The following ITSN1 variants were observed in gnomAD, a reference collection of about 807,000 sequenced individuals.
The protein encoded by ITSN1 is intersectin 1, also known as intersectin-1.
A neutral mutation model predicts 239.8 loss-of-function variants in ITSN1; 58 were observed. The ratio of observed to expected loss-of-function variants is 0.24; its 90% CI spans 0.20 to 0.30. The LOEUF (loss-of-function observed/expected upper bound fraction) is 0.30. Among genes scored for constraint, ITSN1 ranks in the 10% least tolerant of loss-of-function variants. The pLI is 1.00. For synonymous variants in ITSN1, 780 were observed against 770.8 expected (o/e 1.01, Z -0.20); for missense variants, 1,558 against 2,103.3 (o/e 0.74, Z 5.07).
intron 29 of ITSN1, among the ~76,000 whole-genome samples, chr21:33,839,922 C>T (rs529424260): frequency 9.7e-4 from 147 of 152,258 alleles, no homozygotes; most frequent in Non-Finnish European, 1.5e-3. Flanking sequence ...ACAGGACAGT[C>T]CCCCGCAACA....
chr21:33,786,748 T>C (rs1389117753), intron 16 of ITSN1, among the ~76,000 whole-genome samples: 1 of 152,186 alleles, frequency 6.6e-6, no homozygotes, highest in Non-Finnish European at 1.5e-5. Context: ...GTTGAGTCCT[T>C]GTTGGTTCCT....
chr21:33,760,130 G>T (rs1436198061), intron 8 of ITSN1, among the ~76,000 whole-genome samples: 1 of 151,030 alleles, frequency 6.6e-6, no homozygotes, highest in Admixed American at 6.6e-5. Flanking sequence ...GAAAAGAAAA[G>T]AAAACAGTAG....
chr21:33,812,283 G>C (rs1225136810), intron 21 of ITSN1, among the ~76,000 whole-genome samples: 1 of 152,088 alleles, frequency 6.6e-6, no homozygotes, highest in Non-Finnish European at 1.5e-5. Flanking sequence ...TATTTTCCAG[G>C]ATTTGTTTTG....
chr21:33,736,729 T>C (rs1346959390), intron 5 of ITSN1, among the ~76,000 whole-genome samples: 1 of 152,258 alleles, frequency 6.6e-6, no homozygotes, highest in Non-Finnish European at 1.5e-5. Context: ...CTCATGCCTG[T>C]AATCCTAATG....
chr21:33,860,590 G>A (rs1031773640), intron 31 of ITSN1, among the ~76,000 whole-genome samples: 1 of 152,250 alleles, frequency 6.6e-6, no homozygotes, highest in South Asian at 2.1e-4. Flanking sequence ...TCTTCCTCCT[G>A]TCGGCTCTGA....
chr21:33,824,569 G>A (rs538094158), intron 25 of ITSN1, among the ~76,000 whole-genome samples: 134 of 152,254 alleles, frequency 8.8e-4, no homozygotes, highest in African/African-American at 3.2e-3. Flanking sequence ...GTGAGCAAGT[G>A]GACAAAGTTC....
chr21:33,716,555 G>A (rs1379384200), intron 1 of ITSN1: 1 of 152,088 alleles, frequency 6.6e-6, no homozygotes, highest in African/African-American at 2.4e-5. Flanking sequence ...CCAATGAAAA[G>A]GTAACTCAAT....
chr21:33,729,027 G>A (rs1022524876), intron 4 of ITSN1, among the ~76,000 whole-genome samples: 1 of 152,220 alleles, frequency 6.6e-6, no homozygotes, highest in African/African-American at 2.4e-5. Flanking sequence ...GATGAACTGG[G>A]CTCCTAAAGG....
At chr21:33,649,509 T>C (rs914927447) in intron 1 of ITSN1, among the ~76,000 whole-genome samples, 1 of 152,128 alleles carries the variant, frequency 6.6e-6, no homozygotes, top group Admixed American at 6.5e-5. Context: ...AGAGAGAACA[T>C]TGGTGAAATT....
intron 15 of ITSN1, 102 bp downstream of exon 15, chr21:33,781,650 G>C (rs1377259828): frequency 2.9e-6 from 2 of 682,306 alleles, no homozygotes; most frequent in African/African-American, 1.9e-5. Flanking sequence ...GCGCAATCTC[G>C]GCCAACTGTA....
rs1284828190 is a variant in ITSN1 at position 33,811,238 on chromosome 21, CTCTT to C, written c.2567+20_2567+23del. ...TCAGCTCCACGTACGTGTTGGTGGG[CTCTT>C]TCTGATGATTTTTGAAATCCCAATT... On this transcript the variant is annotated intron_variant, in intron 21 of 39. Transcript: ENST00000381318. 1 of 1,545,470 alleles carries C rather than the reference CTCTT, an allele frequency of 6.5e-7. No homozygotes were observed. The highest frequency in any genetic ancestry group is 2.3e-5 in the East Asian group (1 of 44,100).
rs767532845 is a variant in ITSN1 at position 33,836,501 on chromosome 21, A to C, written c.3530A>C (p.Asn1177Thr). The change falls in exon 29 of 40, where the codon AAC (asparagine) becomes ACC (threonine). Residue 1177 changes from asparagine to threonine, a missense_variant. Asn to Thr is a moderately conservative substitution (Grantham distance 65). Around this residue, in one of 2 missense-constraint regions of ITSN1, gnomAD observed 576 missense variants for 893.3 expected, o/e 0.64. Coordinates refer to ENST00000381318, the MANE Select transcript of ITSN1 (RefSeq NM_003024.3). ...TAQNDDELAF[N>T]KGQIINVLNK... ...CAGAATGACGATGAGCTGGCCTTCAACAAGGGCCAGATCATCAACGTCCTC... is the reference window on the plus strand; with the variant it reads ...CAGAATGACGATGAGCTGGCCTTCACCAAGGGCCAGATCATCAACGTCCTC... The C allele has an allele frequency of 2.5e-6, 4 of 1,614,098 alleles. No homozygotes were observed. The South Asian group carries it at 4.4e-5, about 18-fold the overall frequency.
intron 1 of ITSN1, among the ~76,000 whole-genome samples, chr21:33,678,650 T>C (rs2090743165): frequency 6.6e-6 from 1 of 152,226 alleles, no homozygotes; most frequent in African/African-American, 2.4e-5. Context: ...AAGATGATTT[T>C]CTTGGAAGAT....
chr21:33,889,293 A>G lies in ITSN1; in HGVS notation c.*993A>G, dbSNP rs552374589. 3 of 152,328 alleles carry G rather than the reference A, an allele frequency of 2.0e-5. No individual in the cohort carries two copies. The South Asian group carries it at 6.2e-4, about 32-fold the overall frequency. The allele number at this position is 152,328 out of a possible 1,614,324, so 9.4% of individuals were successfully genotyped here. On this transcript the variant is annotated 3_prime_UTR_variant, in exon 40 of 40. Coordinates refer to ENST00000381318, the MANE Select transcript of ITSN1 (RefSeq NM_003024.3). ...CGTTCCCCAAAAAGCCATGTCCTAG[A>G]TCCCCAAGGCGTGAAAAGGAAAAAT...
chr21:33,857,952 C>T (rs893641653), intron 30 of ITSN1, among the ~76,000 whole-genome samples: 2 of 152,148 alleles, frequency 1.3e-5, no homozygotes, highest in African/African-American at 2.4e-5. Flanking sequence ...TGTCCCCTTC[C>T]CTAAAGAGCC....
chr21:33,784,368 T>TGCCTGACTACA (rs2070469596), intron 16 of ITSN1, among the ~76,000 whole-genome samples: 1 of 135,020 alleles, frequency 7.4e-6, no homozygotes, highest in Non-Finnish European at 1.6e-5. Context: ...TCAGGTATGG[T>TGCCTGACTACA]GGCATGTGCC....
At chr21:33,746,234 A>G (rs944781780) in intron 5 of ITSN1, among the ~76,000 whole-genome samples, 3 of 152,206 alleles carry the variant, frequency 2.0e-5, no homozygotes, top group African/African-American at 7.2e-5. Flanking sequence ...CTTCAGGGGG[A>G]AAATCAGAGC....
At chr21:33,883,519 C>T (rs537702651) in intron 35 of ITSN1, 31 bp from the exon 36 acceptor site, 13 of 1,610,118 alleles carry the variant, frequency 8.1e-6, no homozygotes, top group South Asian at 5.5e-5. Context: ...CCCCCAGCCT[C>T]GCTTTGTAAT....
rs1443258322 is a variant in ITSN1 at position 33,658,196 on chromosome 21, TG to T, written c.-33+15485del. Among the ~76,000 whole-genome samples the T allele has an allele frequency of 3.9e-5, 6 of 152,296 alleles. No homozygotes were observed. The East Asian group carries it at 9.7e-4, about 25-fold the overall frequency. On this transcript the variant is annotated intron_variant, in intron 1 of 39. Transcript: ENST00000381318. ...TAAAATATATTTACTATTCATTAAG[TG>T]GAAGTGGGTCATCATAACATTCTTC...
Sources: gnomAD v4.1 joint callset for allele counts (sites outside exome capture counted in the v4.1 genomes callset) on GRCh38, gnomAD v4.1.1 for gene constraint, gnomAD v4.1.1 regional missense constraint, MANE v1.5 for transcripts, NCBI Gene and HGNC (gene_info 2026-07-23, HGNC 2026-07-21) for gene names.